The following TP53BP1 variants were observed in gnomAD, a reference collection of about 807,000 sequenced individuals.
The protein encoded by TP53BP1 is TP53-binding protein 1.
Under a neutral mutation model 200.8 loss-of-function variants are expected in TP53BP1, and 61 were observed. The observed-to-expected ratio is 0.30, with a 90% CI of 0.25 to 0.38. TP53BP1 has a LOEUF of 0.38. TP53BP1 is among the 10% of genes least tolerant of loss of function. The pLI, the probability that TP53BP1 is intolerant of heterozygous loss-of-function variation, is 1.00. For missense variants in TP53BP1, 2,144 were observed against 2,371.9 expected (o/e 0.90, Z 2.00); for synonymous variants, 822 against 844.3 (o/e 0.97, Z 0.46).
chr15:43,457,459 C>T (rs1366495813), intron 11 of TP53BP1, among the ~76,000 whole-genome samples: 4 of 152,022 alleles, frequency 2.6e-5, no homozygotes, highest in East Asian at 1.9e-4. Flanking sequence ...TTTTACTTCA[C>T]GATTTCAAAA....
chr15:43,409,399 C>T, intron 25 of TP53BP1: 1 of 544,730 alleles, frequency 1.8e-6, no homozygotes, highest in Non-Finnish European at 3.2e-6. Flanking sequence ...TACTACTAAA[C>T]ATAAACATCA....
intron 4 of TP53BP1, among the ~76,000 whole-genome samples, chr15:43,482,776 A>AG: frequency 6.6e-6 from 1 of 152,096 alleles, no homozygotes; most frequent in East Asian, 1.9e-4. Flanking sequence ...TCAAAAAAAA[A>AG]AAAATTTAAC....
chr15:43,407,337 C>CA lies in TP53BP1; in HGVS notation c.*45dup, dbSNP rs767657427. ...ACACATTTAAAACCTGGTTAAAACA[C>CA]AATCTCCACGATAGCAGGGAATAAA... On this transcript the variant is annotated 3_prime_UTR_variant, in exon 28 of 28. Transcript: ENST00000382044. 14 of 1,570,162 alleles carry CA rather than the reference C, an allele frequency of 8.9e-6. 1 individual carries two copies. In the South Asian group the frequency reaches 1.6e-4, roughly 18 times the overall value.
At chr15:43,474,807 CCA>C in intron 9 of TP53BP1, 40 bp from the exon 10 acceptor site, 1 of 1,431,560 alleles carries the variant, frequency 7.0e-7, no homozygotes, top group Non-Finnish European at 9.8e-7. Context: ...TTTACCATAG[CCA>C]CAGTTTTGCA....
chr15:43,480,841 C>T, intron 5 of TP53BP1, 54 bp downstream of exon 5: 1 of 1,594,334 alleles, frequency 6.3e-7, no homozygotes. Context: ...TCTGCACAAT[C>T]ATGTTAAAGG....
Position 43,415,717 on chromosome 15 carries a change from G to A in TP53BP1, c.4966C>T (p.Arg1656Ter). ...GCACGAGGACTTTCTGTGATCTTTCGGGTAGGGGTTGTGCTGCTGCTACTG... is the reference window on the plus strand; with the variant it reads ...GCACGAGGACTTTCTGTGATCTTTCAGGTAGGGGTTGTGCTGCTGCTACTG... ...ASSSSSTTPT[R>*]KITESPRASM... Residue 1656 changes from arginine (R) to a stop codon, truncating the protein, a stop_gained, in exon 23 of 28, where the codon CGA (arginine) becomes TGA (stop). Transcript: ENST00000382044. LOFTEE classifies it high-confidence loss of function. The A allele has an allele frequency of 1.2e-6, 2 of 1,614,162 alleles. No individual in the cohort carries two copies.
intron 11 of TP53BP1, among the ~76,000 whole-genome samples, chr15:43,460,386 G>A (rs1035997140): frequency 2.0e-5 from 3 of 151,888 alleles, no homozygotes; most frequent in Admixed American, 1.3e-4. Context: ...TCAGTCTCCC[G>A]AGTAGCTGGA....
At position 43,405,320 on chromosome 15, in the gene TP53BP1, G is replaced by C; in HGVS notation, c.*2063C>G. The C allele has an allele frequency of 4.6e-6, 6 of 1,292,700 alleles. No individual in the cohort carries two copies. Among genetic ancestry groups the C allele is most frequent in the Non-Finnish European group, 6.7e-6 (6 of 897,282 alleles). The allele number at this position is 1,292,700 out of a possible 1,614,324, so 80.1% of individuals were successfully genotyped here. On this transcript the variant is annotated 3_prime_UTR_variant, in exon 28 of 28. Coordinates refer to ENST00000382044, the MANE Select transcript of TP53BP1 (RefSeq NM_001141980.3). Reference sequence around the variant, plus strand: ...CACACAAATAAATATCTGCGGCTTAGTGATAGGACTCTACCTTTTCTCCTA... The same window carrying C: ...CACACAAATAAATATCTGCGGCTTACTGATAGGACTCTACCTTTTCTCCTA...
Position 43,407,484 on chromosome 15 carries a change from G to A in TP53BP1, c.5833C>T (p.Pro1945Ser). Reference protein sequence around the residue: ...VLKCAEALQLPVVSQEWVIQC... With the variant: ...VLKCAEALQLSVVSQEWVIQC... Reference sequence around the variant, plus strand: ...ATCACCCACTCTTGTGACACCACAGGCAGCTGCAATGCTTCAGCACACTTC... The same window carrying A: ...ATCACCCACTCTTGTGACACCACAGACAGCTGCAATGCTTCAGCACACTTC... Residue 1945 changes from proline (P) to serine (S), a missense_variant, in exon 28 of 28, where the codon CCT becomes TCT. By Grantham distance (74) the Pro-to-Ser change is moderately conservative. This residue lies in a region of TP53BP1 where 334 missense variants were observed against 453.4 expected (regional missense o/e 0.74). Coordinates refer to ENST00000382044, the MANE Select transcript of TP53BP1 (RefSeq NM_001141980.3). 6.2e-7 allele frequency: 1 copy of A among 1,614,168 alleles called. No homozygotes were observed. The highest frequency in any genetic ancestry group is 8.5e-7 in the Non-Finnish European group (1 of 1,180,024).
In TP53BP1 at chr15:43,476,487, C is replaced by G. The variant is rs146313001; in HGVS notation, c.956-793G>C. 5.3e-4 allele frequency among the ~76,000 whole-genome samples: 80 copies of G among 152,290 alleles called. 1 individual carries two copies. The East Asian group carries it at 0.015, about 29-fold the overall frequency. ...ATGCAGCAGTTTTCAAGATTTGGGC[C>G]TGCTCAAAGGAGTAAAAGGATTTAT... On this transcript the variant is annotated intron_variant, in intron 8 of 27. Coordinates refer to ENST00000382044, the MANE Select transcript of TP53BP1 (RefSeq NM_001141980.3).
intron 26 of TP53BP1, 195 bp downstream of exon 26, chr15:43,408,702 T>C: frequency 3.4e-6 from 2 of 588,858 alleles, no homozygotes; most frequent in Non-Finnish European, 6.0e-6. Context: ...CTTCACACAT[T>C]TGCAAAAGGT....
rs189299827 is a variant in TP53BP1 at position 43,492,160 on chromosome 15, T to C, written c.193-65A>G. The C allele has an allele frequency of 3.9e-5, 59 of 1,505,694 alleles. No individual in the cohort carries two copies. The African/African-American group carries it at 7.6e-4, about 19-fold the overall frequency. 93.3% of individuals were successfully genotyped at this position (1,505,694 alleles called of 1,614,324 possible). A position where few individuals can be genotyped will look rare whatever the true frequency, so the allele number is the denominator to read the frequency against. ...AATAGTTCAAAATGAAACCTACTAT[T>C]TGTGAACAATTTTTCCAATCAACTT... On this transcript the variant is annotated intron_variant, in intron 2 of 27. Transcript: ENST00000382044.
intron 4 of TP53BP1, among the ~76,000 whole-genome samples, chr15:43,489,545 G>C (rs1162853359): frequency 2.0e-5 from 3 of 152,198 alleles, no homozygotes; most frequent in African/African-American, 7.2e-5. Context: ...AATGACAAAA[G>C]AACACCTGGC....
chr15:43,417,612 CTT>C (rs925693621), intron 21 of TP53BP1, among the ~76,000 whole-genome samples: 6 of 152,220 alleles, frequency 3.9e-5, no homozygotes, highest in South Asian at 2.1e-4. Context: ...ACAGTTCACT[CTT>C]GTTACAGAAC....
chr15:43,416,198 C>A, intron 22 of TP53BP1, 27 bp downstream of exon 22: 1 of 1,595,056 alleles, frequency 6.3e-7, no homozygotes, highest in Non-Finnish European at 8.5e-7. Flanking sequence ...AGCCCAAAAG[C>A]AGCTGTTCAG....
intron 14 of TP53BP1, 104 bp from the exon 15 acceptor site, chr15:43,441,687 CAAAAAGAAAT>C (rs1439594770): frequency 2.8e-6 from 2 of 711,466 alleles, no homozygotes; most frequent in Non-Finnish European, 5.0e-6. Flanking sequence ...CAAAAAATAA[CAAAAAGAAAT>C]AAAAATAAGT....
intron 21 of TP53BP1, among the ~76,000 whole-genome samples, chr15:43,419,987 A>T (rs2045357298): frequency 6.6e-6 from 1 of 152,202 alleles, no homozygotes; most frequent in Non-Finnish European, 1.5e-5. Context: ...AGTTTTGACA[A>T]ACGTCCCATA....
upstream of TP53BP1, among the ~76,000 whole-genome samples, chr15:43,494,195 T>C (rs2079165165): frequency 1.3e-5 from 2 of 152,156 alleles, no homozygotes; most frequent in African/African-American, 4.8e-5. Flanking sequence ...GCCAAACATA[T>C]ACATAGTAGG....
Position 43,407,931 on chromosome 15 carries a change from T to A in TP53BP1, c.5746+12A>T, listed in dbSNP as rs998071347. The A allele has an allele frequency of 1.4e-5, 22 of 1,608,564 alleles. No homozygotes were observed. Among genetic ancestry groups the A allele is most frequent in the Non-Finnish European group, 1.8e-5 (21 of 1,179,124 alleles). ...CCTGGAACAAAGACACTACACACAC[T>A]CTTTCAGGTACCTTTGTTATGGGCA... On this transcript the variant is annotated intron_variant, in intron 27 of 27. Coordinates refer to ENST00000382044, the MANE Select transcript of TP53BP1 (RefSeq NM_001141980.3).
Sources: allele counts gnomAD v4.1 joint callset (sites outside exome capture counted in the v4.1 genomes callset), GRCh38; gene constraint gnomAD v4.1.1; regional missense constraint gnomAD v4.1.1; transcripts MANE v1.5; gene names NCBI Gene and HGNC (gene_info 2026-07-23, HGNC 2026-07-21).